Variants in SLC16A10 observed in about 807,000 individuals in gnomAD.
The protein encoded by SLC16A10 is solute carrier family 16 member 10.
Under a neutral mutation model 40.0 loss-of-function variants are expected in SLC16A10, and 27 were observed. That is an observed-to-expected ratio of 0.67 (90% CI 0.50 to 0.93). The LOEUF (loss-of-function observed/expected upper bound fraction) is 0.93. Ranked by LOEUF, SLC16A10 falls within the 40% of genes least tolerant of loss-of-function variation. The pLI, the probability that SLC16A10 is intolerant of heterozygous loss-of-function variation, is 0.00. For missense variants in SLC16A10, 529 were observed against 658.2 expected, an observed-to-expected ratio of 0.80 and a Z score of 2.15; for synonymous variants, 213 against 249.8, an observed-to-expected ratio of 0.85 and a Z score of 1.39.
Position 111,227,876 on chromosome 6 carries a change from C to T in SLC16A10, c.*5641C>T, listed in dbSNP as rs182871093. On this transcript the variant is annotated 3_prime_UTR_variant, in exon 6 of 6. Transcript: ENST00000368851. ...TCCGCTTTCCGTGTCCAGCTGAAAGCCCAGCTGAGTCAACTCCTGCTTCAT... is the reference window on the plus strand; with the variant it reads ...TCCGCTTTCCGTGTCCAGCTGAAAGTCCAGCTGAGTCAACTCCTGCTTCAT... 4 of 152,302 alleles carry T rather than the reference C, an allele frequency of 2.6e-5. No individual in the cohort carries two copies. The East Asian group carries it at 5.8e-4, about 22-fold the overall frequency. The allele number at this position is 152,302 out of a possible 1,614,324, so 9.4% of individuals were successfully genotyped here. A position where few individuals can be genotyped will look rare whatever the true frequency, so the allele number is the denominator to read the frequency against.
At chr6:111,204,333 T>A (rs1215848) in intron 3 of SLC16A10, among the ~76,000 whole-genome samples, 117,013 of 152,000 alleles carry the variant, frequency 0.77, 45,842 homozygotes, top group Non-Finnish European at 0.86. Flanking sequence ...ATTAACTGAA[T>A]TGGGGGGCAG....
chr6:111,163,196 A>G (rs1301000068), intron 1 of SLC16A10, among the ~76,000 whole-genome samples: 2 of 122,316 alleles, frequency 1.6e-5, no homozygotes, highest in African/African-American at 3.2e-5. Context: ...TCTGTCGCCC[A>G]GGCTGGAGTG....
At chr6:111,220,669 A>G (rs1171287664) in intron 5 of SLC16A10, among the ~76,000 whole-genome samples, 1 of 152,238 alleles carries the variant, frequency 6.6e-6, no homozygotes, top group Non-Finnish European at 1.5e-5. Flanking sequence ...CAGGTAATAT[A>G]GTATTCACTC....
chr6:111,180,066 A>G (rs1772761183), intron 3 of SLC16A10, among the ~76,000 whole-genome samples: 1 of 152,230 alleles, frequency 6.6e-6, no homozygotes, highest in African/African-American at 2.4e-5. Context: ...TGTTGAGGGG[A>G]CACATATATG....
At chr6:111,103,793 AG>A (rs1180069425) in intron 1 of SLC16A10, among the ~76,000 whole-genome samples, 15 of 152,304 alleles carry the variant, frequency 9.8e-5, no homozygotes, top group Middle Eastern at 6.8e-3. Flanking sequence ...CTAACAGAAG[AG>A]GGTATCCGAG....
chr6:111,137,298 A>G (rs1213987144), intron 1 of SLC16A10, among the ~76,000 whole-genome samples: 1 of 152,214 alleles, frequency 6.6e-6, no homozygotes, highest in Non-Finnish European at 1.5e-5. Context: ...ACCAATGGAA[A>G]TTACTTAAAA....
intron 1 of SLC16A10, among the ~76,000 whole-genome samples, chr6:111,158,697 G>A (rs570570987): frequency 3.3e-5 from 5 of 151,998 alleles, no homozygotes; most frequent in Admixed American, 6.6e-5. Flanking sequence ...GTATTTACTC[G>A]ATATTTTAAA....
intron 1 of SLC16A10, among the ~76,000 whole-genome samples, chr6:111,135,514 C>A (rs982384386): frequency 5.9e-5 from 9 of 152,204 alleles, no homozygotes; most frequent in Non-Finnish European, 8.8e-5. Flanking sequence ...TCCTTATATT[C>A]CGCTTTCCCA....
intron 1 of SLC16A10, among the ~76,000 whole-genome samples, chr6:111,113,802 G>A (rs1771434977): frequency 6.6e-6 from 1 of 152,126 alleles, no homozygotes; most frequent in Non-Finnish European, 1.5e-5. Context: ...AGTCTCAGTC[G>A]CCCTTTCTTT....
intron 1 of SLC16A10, among the ~76,000 whole-genome samples, chr6:111,126,251 G>C (rs971624512): frequency 1.3e-5 from 2 of 151,702 alleles, no homozygotes; most frequent in African/African-American, 2.4e-5. Flanking sequence ...TTTTTCCTTA[G>C]TTTTTTACCT....
intron 1 of SLC16A10, among the ~76,000 whole-genome samples, chr6:111,149,399 T>G (rs573555891): frequency 2.6e-5 from 4 of 152,360 alleles, no homozygotes; most frequent in Admixed American, 6.5e-5. Flanking sequence ...AGTGTCATTC[T>G]CAGTGTAGGC....
intron 1 of SLC16A10, among the ~76,000 whole-genome samples, chr6:111,094,984 G>C (rs1771048334): frequency 6.6e-6 from 1 of 152,126 alleles, no homozygotes; most frequent in Non-Finnish European, 1.5e-5. Flanking sequence ...CCCCTTAACA[G>C]GATTGCTTGT....
At chr6:111,210,012 G>A (rs936417225) in intron 4 of SLC16A10, among the ~76,000 whole-genome samples, 27 of 152,178 alleles carry the variant, frequency 1.8e-4, no homozygotes, top group African/African-American at 6.0e-4. Context: ...CAGTATTTGA[G>A]CAGGGCCTTG....
chr6:111,215,321 C>T (rs1162836853), intron 4 of SLC16A10, among the ~76,000 whole-genome samples: 1 of 150,430 alleles, frequency 6.6e-6, no homozygotes, highest in Admixed American at 6.7e-5. Flanking sequence ...AAGCCAAGTA[C>T]TGTACTAGGC....
intron 1 of SLC16A10, among the ~76,000 whole-genome samples, chr6:111,126,544 T>C (rs990400217): frequency 6.6e-6 from 1 of 152,174 alleles, no homozygotes; most frequent in East Asian, 1.9e-4. Context: ...AAGAGCTTTA[T>C]TGCTTACCAC....
At chr6:111,204,952 A>G (rs1163010130) in intron 3 of SLC16A10, among the ~76,000 whole-genome samples, 1 of 151,674 alleles carries the variant, frequency 6.6e-6, no homozygotes, top group Non-Finnish European at 1.5e-5. Context: ...ATCCAGGCTT[A>G]TAAGTCAGAT....
chr6:111,212,332 AT>A (rs1198155882), intron 4 of SLC16A10, among the ~76,000 whole-genome samples: 1 of 152,194 alleles, frequency 6.6e-6, no homozygotes, highest in Non-Finnish European at 1.5e-5. Flanking sequence ...GCAGATCCTG[AT>A]TTGGAATAGG....
At chr6:111,177,903 C>T (rs1237410635) in intron 3 of SLC16A10, among the ~76,000 whole-genome samples, 1 of 152,130 alleles carries the variant, frequency 6.6e-6, no homozygotes, top group Non-Finnish European at 1.5e-5. Context: ...CCCAGCCAGA[C>T]ACCATGGTGC....
rs575672732 is a variant in SLC16A10, at chr6:111,222,040, A to G, written c.1353A>G (p.Ala451=). Residue 451 remains alanine (A), a synonymous_variant, in exon 6 of 6, where the codon GCA becomes GCG. Coordinates refer to ENST00000368851, the MANE Select transcript of SLC16A10 (RefSeq NM_018593.5). ...ACAAACTGGGCTCCTATGATGTGGC[A>G]TTCTACCTCGCTGGAGTCCCTCCCC... ...LRDKLGSYDV[A]FYLAGVPPLI... 3.7e-5 allele frequency: 59 copies of G among 1,609,920 alleles called. No homozygotes were observed. The South Asian group carries it at 6.1e-4, about 17-fold the overall frequency.
Sources: allele counts gnomAD v4.1 joint callset (sites outside exome capture counted in the v4.1 genomes callset), GRCh38; gene constraint gnomAD v4.1.1; transcripts MANE v1.5; gene names NCBI Gene and HGNC (gene_info 2026-07-23, HGNC 2026-07-21).